Variants in FRAS1 observed in about 807,000 individuals in gnomAD.
FRAS1 encodes the protein extracellular matrix organizing protein FRAS1.
FRAS1 carries 290 observed loss-of-function variants against 435.2 expected under a neutral mutation model. The observed-to-expected ratio is 0.67, with a 90% CI of 0.61 to 0.73. The LOEUF (loss-of-function observed/expected upper bound fraction) is 0.73, where lower values mean the gene tolerates loss of function less well. Among genes scored for constraint, FRAS1 ranks in the 30% least tolerant of loss-of-function variants. The pLI, the probability that FRAS1 is intolerant of heterozygous loss-of-function variation, is 0.00. For missense variants in FRAS1, 4,860 were observed against 5,001.5 expected (o/e 0.97, Z 0.85); for synonymous variants, 1,800 against 1,851.0 (o/e 0.97, Z 0.71).
At chr4:78,236,874 C>T (rs1724784842) in intron 2 of FRAS1, among the ~76,000 whole-genome samples, 4 of 152,038 alleles carry the variant, frequency 2.6e-5, no homozygotes, top group African/African-American at 9.7e-5. Context: ...TGTTCATGAC[C>T]CCAAATAATT....
intron 20 of FRAS1, among the ~76,000 whole-genome samples, chr4:78,343,438 CCTCT>C (rs1327513942): frequency 1.9e-5 from 2 of 104,712 alleles, no homozygotes; most frequent in African/African-American, 5.3e-5. Context: ...TCCCTCCCTC[CCTCT>C]CTCTCTCTCT....
At chr4:78,179,454 AT>A (rs1721910006) in intron 2 of FRAS1, among the ~76,000 whole-genome samples, 1 of 152,190 alleles carries the variant, frequency 6.6e-6, no homozygotes, top group Non-Finnish European at 1.5e-5. Flanking sequence ...ATTCCCCTGA[AT>A]TAGCAGGAAG....
At chr4:78,096,857 C>A (rs1741839426) in intron 2 of FRAS1, among the ~76,000 whole-genome samples, 1 of 152,216 alleles carries the variant, frequency 6.6e-6, no homozygotes, top group Admixed American at 6.5e-5. Context: ...TTCCCCATTG[C>A]CTTGGGGATT....
intron 29 of FRAS1, among the ~76,000 whole-genome samples, chr4:78,398,983 C>CA (rs59165330): frequency 0.027 from 3,923 of 147,940 alleles, 169 homozygotes; most frequent in African/African-American, 0.091. Flanking sequence ...AATTCTGTCT[C>CA]AAAAAAAAAA....
intron 2 of FRAS1, among the ~76,000 whole-genome samples, chr4:78,157,657 T>A (rs1428133287): frequency 6.6e-6 from 1 of 152,188 alleles, no homozygotes; most frequent in African/African-American, 2.4e-5. Context: ...CACTTTTTAA[T>A]TTGGTTGTTT....
chr4:78,176,333 C>T (rs946117231), intron 2 of FRAS1, among the ~76,000 whole-genome samples: 2 of 152,212 alleles, frequency 1.3e-5, no homozygotes, highest in African/African-American at 4.8e-5. Context: ...AAAGTGCCTG[C>T]AGTAATCATT....
chr4:78,119,614 A>G (rs1364788388), intron 2 of FRAS1, among the ~76,000 whole-genome samples: 2 of 152,276 alleles, frequency 1.3e-5, no homozygotes, highest in Non-Finnish European at 1.5e-5. Context: ...GGTTGATTCC[A>G]TAGCTTGGCT....
At chr4:78,305,117 G>A (rs1462932009) in intron 14 of FRAS1, among the ~76,000 whole-genome samples, 1 of 151,944 alleles carries the variant, frequency 6.6e-6, no homozygotes, top group Non-Finnish European at 1.5e-5. Context: ...ATTTTGTTAT[G>A]TACCCAGTAG....
At chr4:78,377,145 G>A (rs965149250) in intron 26 of FRAS1, among the ~76,000 whole-genome samples, 5 of 152,182 alleles carry the variant, frequency 3.3e-5, no homozygotes, top group Admixed American at 2.0e-4. Context: ...AGTAAAGCTT[G>A]GGAGGGACAT....
At chr4:78,419,429 A>G (rs1356509302) in intron 33 of FRAS1, among the ~76,000 whole-genome samples, 2 of 152,200 alleles carry the variant, frequency 1.3e-5, no homozygotes, top group Admixed American at 6.5e-5. Context: ...AGGAGAAAGG[A>G]CAAAAATGAG....
At chr4:78,178,367 G>A (rs773237382) in intron 2 of FRAS1, among the ~76,000 whole-genome samples, 68 of 152,106 alleles carry the variant, frequency 4.5e-4, no homozygotes, top group Admixed American at 3.5e-3. Flanking sequence ...TCTAGGCTTC[G>A]TAGTTTTCAG....
In FRAS1 at chr4:78,544,189, G is replaced by A. The variant is rs1722140978; in HGVS notation, c.*3065G>A. 1 of 152,612 alleles carries A rather than the reference G, an allele frequency of 6.6e-6. No homozygotes were observed. The highest frequency in any genetic ancestry group is 1.5e-5 in the Non-Finnish European group (1 of 68,028). The allele number at this position is 152,612 out of a possible 1,614,324, so 9.5% of individuals were successfully genotyped here. A position where few individuals can be genotyped will look rare whatever the true frequency, so the allele number is the denominator to read the frequency against. ...ATTTTTGTATTTCCAATATGAATTT[G>A]TGTGTTATGAATTTCTGATTTCTCC... On this transcript the variant is annotated 3_prime_UTR_variant, in exon 74 of 74. Transcript: ENST00000512123.
chr4:78,475,774 A>G (rs1163327407), intron 54 of FRAS1, among the ~76,000 whole-genome samples, 168 bp downstream of exon 54: 1 of 152,224 alleles, frequency 6.6e-6, no homozygotes, highest in Non-Finnish European at 1.5e-5. Flanking sequence ...TGTTCTTCAC[A>G]GTCTCTCTAA....
At chr4:78,407,905 A>T (rs979551399) in intron 31 of FRAS1, 64 bp downstream of exon 31, 2 of 1,371,406 alleles carry the variant, frequency 1.5e-6, no homozygotes, top group African/African-American at 2.9e-5. Flanking sequence ...GCTCTTATTT[A>T]TAATCAACTT....
At chr4:78,420,703 G>A (rs180689698) in intron 33 of FRAS1, among the ~76,000 whole-genome samples, 462 of 150,176 alleles carry the variant, frequency 3.1e-3, no homozygotes, top group African/African-American at 0.011. Flanking sequence ...AGACCAATCT[G>A]TGCCAGTTTC....
intron 2 of FRAS1, among the ~76,000 whole-genome samples, chr4:78,167,321 C>T (rs1721371020): frequency 6.6e-6 from 1 of 152,046 alleles, no homozygotes; most frequent in African/African-American, 2.4e-5. Context: ...AACAGACAAA[C>T]AAATATGTAA....
intron 29 of FRAS1, among the ~76,000 whole-genome samples, chr4:78,388,562 T>C (rs1578292304): frequency 6.6e-6 from 1 of 151,024 alleles, no homozygotes; most frequent in Admixed American, 6.6e-5. Flanking sequence ...CTTTGGGAGG[T>C]TGAGGTAAGG....
At chr4:78,536,171 A>G (rs1272198844) in intron 71 of FRAS1, among the ~76,000 whole-genome samples, 1 of 148,834 alleles carries the variant, frequency 6.7e-6, no homozygotes, top group Non-Finnish European at 1.5e-5. Context: ...TCCTTGAAGC[A>G]TTCAGTATTT....
intron 20 of FRAS1, among the ~76,000 whole-genome samples, chr4:78,342,646 C>T (rs552045731): frequency 1.3e-5 from 2 of 152,148 alleles, no homozygotes; most frequent in African/African-American, 4.8e-5. Context: ...AAAGCTTCCT[C>T]TTGTTCATAG....
Sources: gnomAD v4.1 joint callset for allele counts (sites outside exome capture counted in the v4.1 genomes callset) on GRCh38, gnomAD v4.1.1 for gene constraint, MANE v1.5 for transcripts, NCBI Gene and HGNC (gene_info 2026-07-23, HGNC 2026-07-21) for gene names.